The following ATF7IP2 variants were observed in gnomAD, a reference collection of about 807,000 sequenced individuals.
ATF7IP2 encodes the protein activating transcription factor 7-interacting protein 2.
In ATF7IP2, 42 loss-of-function variants were observed where a neutral mutation model predicts 64.2. The ratio of observed to expected loss-of-function variants is 0.65; its 90% CI spans 0.51 to 0.85. The LOEUF (loss-of-function observed/expected upper bound fraction) is 0.85, where lower values mean the gene tolerates loss of function less well. Ranked by LOEUF, ATF7IP2 falls within the 40% of genes least tolerant of loss-of-function variation. The pLI is 0.00. For missense variants in ATF7IP2, 933 were observed against 784.2 expected (o/e 1.19, Z -2.27); for synonymous variants, 308 against 272.8 (o/e 1.13, Z -1.27).
At chr16:10,409,666 C>T (rs1008051505) in intron 1 of ATF7IP2, among the ~76,000 whole-genome samples, 20 of 152,186 alleles carry the variant, frequency 1.3e-4, no homozygotes, top group African/African-American at 4.8e-4. Context: ...ACCTCATGAT[C>T]CGCCCGCCTG....
At chr16:10,448,531 G>A (rs2141970723) in intron 8 of ATF7IP2, 1 of 152,248 alleles carries the variant, frequency 6.6e-6, no homozygotes, top group East Asian at 1.9e-4. Flanking sequence ...TGTAGCAATT[G>A]TGAATGGGAG....
chr16:10,437,961 A>G, intron 6 of ATF7IP2, 140 bp from the exon 7 acceptor site: 1 of 566,936 alleles, frequency 1.8e-6, no homozygotes, highest in Non-Finnish European at 2.7e-6. Context: ...TGGTATAGTT[A>G]TATAAACATA....
rs541363062 is a variant in ATF7IP2 at position 10,406,371 on chromosome 16, G to A, written c.-241-8203G>A. ...TCCACTTGCCTCAGCCTTCCAAAGTGCTGGGATTACAGGCGTGAACCACTG... is the reference window on the plus strand; with the variant it reads ...TCCACTTGCCTCAGCCTTCCAAAGTACTGGGATTACAGGCGTGAACCACTG... On this transcript the variant is annotated intron_variant, in intron 1 of 13. Coordinates refer to ENST00000562102, the MANE Select transcript of ATF7IP2 (RefSeq NM_001393719.1). Among the ~76,000 whole-genome samples the A allele has an allele frequency of 7.9e-5, 12 of 152,250 alleles. No homozygotes were observed. The East Asian group carries it at 2.3e-3, about 29-fold the overall frequency.
chr16:10,461,565 C>G (rs1407897355), intron 9 of ATF7IP2, among the ~76,000 whole-genome samples: 2 of 152,040 alleles, frequency 1.3e-5, no homozygotes, highest in Non-Finnish European at 2.9e-5. Flanking sequence ...ATTCCCACAA[C>G]GTATGATTGG....
chr16:10,391,875 G>A (rs2047332670), intron 1 of ATF7IP2, among the ~76,000 whole-genome samples: 1 of 151,048 alleles, frequency 6.6e-6, no homozygotes, highest in Non-Finnish European at 1.5e-5. Context: ...CAGCCTGGGT[G>A]ACAGAGTGAG....
In ATF7IP2 at chr16:10,457,421, A is replaced by C. The variant is rs768929782; in HGVS notation, c.1244A>C (p.Asn415Thr). The C allele has an allele frequency of 6.2e-7, 1 of 1,608,810 alleles. No individual in the cohort carries two copies. The highest frequency in any genetic ancestry group is 1.1e-5 in the South Asian group (1 of 89,288). Residue 415 changes from asparagine to threonine, a missense_variant, in exon 9 of 14, where the codon AAT becomes ACT. Coordinates refer to ENST00000562102, the MANE Select transcript of ATF7IP2 (RefSeq NM_001393719.1). The stretch of plus-strand genomic sequence containing the variant: ...TTGGATAAGAATCTTGAGTCAGTTA[A>C]TAGTCCAATTGAAAAGTCTTCTGTG... ...MILDKNLESV[N>T]SPIEKSSVNY...
At chr16:10,459,396 A>G (rs1312896590) in intron 9 of ATF7IP2, among the ~76,000 whole-genome samples, 3 of 150,756 alleles carry the variant, frequency 2.0e-5, no homozygotes, top group East Asian at 2.0e-4. Flanking sequence ...TGAACCTGGG[A>G]GGCGGAGCTT....
Position 10,409,581 on chromosome 16 carries a change from C to T in ATF7IP2, c.-241-4993C>T, listed in dbSNP as rs188289463. ...AGCTGAGACTACAGGCCCCTGCAAC[C>T]ACGCCCAGCTAATTTTTTGAATTTT... On this transcript the variant is annotated intron_variant, in intron 1 of 13. Transcript: ENST00000562102. 2.7e-3 allele frequency among the ~76,000 whole-genome samples: 404 copies of T among 152,096 alleles called. 4 individuals carry two copies. The highest frequency in any genetic ancestry group is 9.2e-3 in the African/African-American group (383 of 41,496).
rs1473513890 is a variant in ATF7IP2 at position 10,475,544 on chromosome 16, T to A, written c.1549+1555T>A. ...ATCTCTACTAAAAATACAAAAAAAA[T>A]TAGCCGGGTGTGGTGGCGGGCACCT... On this transcript the variant is annotated intron_variant, in intron 12 of 13. Coordinates refer to ENST00000562102, the MANE Select transcript of ATF7IP2 (RefSeq NM_001393719.1). 2.0e-5 allele frequency among the ~76,000 whole-genome samples: 3 copies of A among 151,288 alleles called. No homozygotes were observed. The East Asian group carries it at 5.8e-4, about 29-fold the overall frequency.
intron 2 of ATF7IP2, among the ~76,000 whole-genome samples, chr16:10,418,241 C>T (rs1299859409): frequency 6.6e-6 from 1 of 152,218 alleles, no homozygotes; most frequent in African/African-American, 2.4e-5. Flanking sequence ...TCAGGAACGC[C>T]TTAAGCGGTT....
At position 10,480,784 on chromosome 16, in the gene ATF7IP2, T is replaced by C. The variant is rs1229423637; in HGVS notation, c.1550-95T>C. On this transcript the variant is annotated intron_variant, in intron 12 of 13. Transcript: ENST00000562102. Reference sequence around the variant, plus strand: ...CACAGTTTTATAATTTTAATTCACATTTAATTACCACCAAAGATGTAAACT... The same window carrying C: ...CACAGTTTTATAATTTTAATTCACACTTAATTACCACCAAAGATGTAAACT... 7.6e-5 allele frequency: 65 copies of C among 851,312 alleles called. No individual in the cohort carries two copies. The East Asian group carries it at 9.0e-4, about 12-fold the overall frequency. The allele number at this position is 851,312 out of a possible 1,614,324, so 52.7% of individuals were successfully genotyped here.
At chr16:10,428,707 G>A (rs567083834) in intron 3 of ATF7IP2, among the ~76,000 whole-genome samples, 161 bp from the exon 4 acceptor site, 1 of 152,064 alleles carries the variant, frequency 6.6e-6, no homozygotes, top group Non-Finnish European at 1.5e-5. Flanking sequence ...GGAACCAGAA[G>A]GTAATCAGGA....
chr16:10,431,922 C>T (rs1333076014), intron 5 of ATF7IP2, among the ~76,000 whole-genome samples: 1 of 145,242 alleles, frequency 6.9e-6, no homozygotes, highest in Non-Finnish European at 1.5e-5. Flanking sequence ...CTCCTGGGTT[C>T]GAGTGATTTG....
intron 3 of ATF7IP2, among the ~76,000 whole-genome samples, chr16:10,420,792 G>A (rs1440472400): frequency 3.9e-5 from 6 of 152,154 alleles, no homozygotes; most frequent in Admixed American, 6.5e-5. Flanking sequence ...TAGGCATATC[G>A]AAGGCAGTCA....
intron 1 of ATF7IP2, among the ~76,000 whole-genome samples, chr16:10,412,880 T>A (rs2141820323): frequency 6.6e-6 from 1 of 152,334 alleles, no homozygotes; most frequent in East Asian, 1.9e-4. Flanking sequence ...GTGATATTTT[T>A]CTGTTGGATA....
Position 10,431,049 on chromosome 16 carries a change from C to T in ATF7IP2, c.429C>T (p.Asn143=), listed in dbSNP as rs114568129. The T allele has an allele frequency of 8.6e-4, 1,390 of 1,614,120 alleles. 18 individuals carry two copies. In the African/African-American group the frequency reaches 0.016, roughly 18 times the overall value. The change falls in exon 5 of 14, where the codon AAC becomes AAT. Residue 143 remains asparagine (N), a synonymous_variant. Coordinates refer to ENST00000562102, the MANE Select transcript of ATF7IP2 (RefSeq NM_001393719.1). ...AAGATTCACTGAACACTTCTGAAAA[C>T]GATTCTGAGCATCAGACAAATGTAA... ...EAKDSLNTSE[N]DSEHQTNVTR...
chr16:10,459,076 G>A (rs754253827), intron 9 of ATF7IP2, among the ~76,000 whole-genome samples: 12 of 152,104 alleles, frequency 7.9e-5, no homozygotes, highest in Non-Finnish European at 1.5e-4. Flanking sequence ...GCTCATGCCT[G>A]TAATCCCAGC....
At chr16:10,425,382 A>G (rs2048065278) in intron 3 of ATF7IP2, among the ~76,000 whole-genome samples, 1 of 151,934 alleles carries the variant, frequency 6.6e-6, no homozygotes, top group South Asian at 2.1e-4. Context: ...GGAAATCTTT[A>G]AAGGTATTCA....
At chr16:10,444,983 T>C (rs1030784046) in intron 8 of ATF7IP2, among the ~76,000 whole-genome samples, 4 of 152,248 alleles carry the variant, frequency 2.6e-5, no homozygotes, top group African/African-American at 4.8e-5. Context: ...TTGAGGTATT[T>C]CTGTGTAATC....
Sources: allele counts gnomAD v4.1 joint callset (sites outside exome capture counted in the v4.1 genomes callset), GRCh38; gene constraint gnomAD v4.1.1; transcripts MANE v1.5; gene names NCBI Gene and HGNC (gene_info 2026-07-23, HGNC 2026-07-21).